CASQ2: variants seen among roughly 807,000 people sequenced by gnomAD.
The protein encoded by CASQ2 is calsequestrin 2.
A neutral mutation model predicts 46.5 loss-of-function variants in CASQ2; 49 were observed. That is an observed-to-expected ratio of 1.05 (90% CI 0.84 to 1.34). The LOEUF (loss-of-function observed/expected upper bound fraction) is 1.34, where lower values mean the gene tolerates loss of function less well. Among genes scored for constraint, CASQ2 ranks in the 40% most tolerant of loss-of-function variants. The pLI is 0.00. For missense variants in CASQ2, 486 were observed against 481.3 expected (o/e 1.01, Z -0.09); for synonymous variants, 174 against 168.5 (o/e 1.03, Z -0.25).
intron 4 of CASQ2, 49 bp downstream of exon 4, chr1:115,738,175 T>A (rs1410849455): frequency 8.8e-7 from 1 of 1,141,186 alleles, no homozygotes; most frequent in Admixed American, 1.7e-5. Flanking sequence ...CATACCTTGT[T>A]TGGAATCTAG....
intron 4 of CASQ2, among the ~76,000 whole-genome samples, chr1:115,733,746 C>T (rs1647867875): frequency 6.6e-6 from 1 of 152,132 alleles, no homozygotes; most frequent in South Asian, 2.1e-4. Flanking sequence ...TGAATAAATG[C>T]TATAAGCCTG....
At position 115,740,987 on chromosome 1, in the gene CASQ2, G is replaced by C. The variant is rs537070405; in HGVS notation, c.320-159C>G. ...GCAGTTGCCTTGAAATAACACTTTT[G>C]AAGAGCTCCTGAAGTGAACATTTAA... On this transcript the variant is annotated intron_variant, in intron 2 of 10. Coordinates refer to ENST00000261448, the MANE Select transcript of CASQ2 (RefSeq NM_001232.4). Among the ~76,000 whole-genome samples the C allele has an allele frequency of 3.9e-5, 6 of 152,324 alleles. No homozygotes were observed. In the East Asian group the frequency reaches 7.7e-4, roughly 20 times the overall value.
chr1:115,727,000 T>C lies in CASQ2; in HGVS notation c.729A>G (p.Glu243=). Reference sequence around the variant, plus strand: ...CATGCCATCTCAGGCACCTTTGGTGTTCCTTCACAAACTCCACCAGCTCCT... The same window carrying C: ...CATGCCATCTCAGGCACCTTTGGTGCTCCTTCACAAACTCCACCAGCTCCT... The part of the protein sequence containing the change: ...TEEELVEFVK[E]HQRPTLRRLR... The change falls in exon 6 of 11, where the codon GAA becomes GAG. Residue 243 remains glutamate (E), a synonymous_variant. Transcript: ENST00000261448. 1.2e-6 allele frequency: 2 copies of C among 1,604,272 alleles called. No individual in the cohort carries two copies. Among genetic ancestry groups the C allele is most frequent in the Admixed American group, 1.7e-5 (1 of 59,710 alleles).
intron 4 of CASQ2, among the ~76,000 whole-genome samples, chr1:115,737,207 A>G (rs1570830098): frequency 1.3e-5 from 2 of 152,278 alleles, no homozygotes; most frequent in Middle Eastern, 3.4e-3. Flanking sequence ...CTGGTTAGCC[A>G]CCTCCCTCTA....
intron 1 of CASQ2, among the ~76,000 whole-genome samples, chr1:115,767,445 G>T (rs1649171434): frequency 6.6e-6 from 1 of 152,140 alleles, no homozygotes; most frequent in Admixed American, 6.5e-5. Context: ...GATTGTGCTG[G>T]TTAATAAACT....
At chr1:115,719,562 C>T (rs1443507672) in intron 7 of CASQ2, among the ~76,000 whole-genome samples, 1 of 152,232 alleles carries the variant, frequency 6.6e-6, no homozygotes, top group Non-Finnish European at 1.5e-5. Context: ...GGAGGGAGCA[C>T]TGTCACCAAG....
intron 1 of CASQ2, among the ~76,000 whole-genome samples, chr1:115,763,426 G>C (rs1302009637): frequency 6.6e-6 from 1 of 152,090 alleles, no homozygotes; most frequent in Non-Finnish European, 1.5e-5. Flanking sequence ...CCCCAGAGAG[G>C]AGGAGTGAAT....
At chr1:115,738,145 C>A in intron 4 of CASQ2, 79 bp downstream of exon 4, 2 of 860,202 alleles carry the variant, frequency 2.3e-6, no homozygotes, top group East Asian at 2.4e-5. Flanking sequence ...GAAGACCCAT[C>A]CTCTTTTGGG....
intron 8 of CASQ2, among the ~76,000 whole-genome samples, chr1:115,716,932 A>G (rs1302402745): frequency 2.0e-5 from 3 of 152,148 alleles, no homozygotes; most frequent in African/African-American, 4.8e-5. Context: ...GTAATCCCCA[A>G]TGCTGGAGGT....
At chr1:115,725,669 A>G (rs1647559781) in intron 6 of CASQ2, 116 bp from the exon 7 acceptor site, 1 of 1,312,848 alleles carries the variant, frequency 7.6e-7, no homozygotes, top group Admixed American at 2.3e-5. Flanking sequence ...TTCCTTTGCA[A>G]GGCAGGGAGA....
intron 7 of CASQ2, 147 bp from the exon 8 acceptor site, chr1:115,718,041 T>C: frequency 1.4e-6 from 1 of 709,194 alleles, no homozygotes. Context: ...CACAGAGGAG[T>C]ACAGCGGGGC....
chr1:115,707,476 T>C (rs1654399143), intron 8 of CASQ2, among the ~76,000 whole-genome samples: 1 of 152,172 alleles, frequency 6.6e-6, no homozygotes, highest in Non-Finnish European at 1.5e-5. Flanking sequence ...ACTTCATTTA[T>C]CTGTCATTGC....
At chr1:115,723,545 CT>C (rs1032022424) in intron 7 of CASQ2, among the ~76,000 whole-genome samples, 15 of 148,870 alleles carry the variant, frequency 1.0e-4, no homozygotes, top group Non-Finnish European at 1.2e-4. Context: ...TAATAAGACT[CT>C]TTTTTTTTTG....
At chr1:115,730,216 T>C (rs570874082) in intron 5 of CASQ2, among the ~76,000 whole-genome samples, 1 of 152,314 alleles carries the variant, frequency 6.6e-6, no homozygotes, top group African/African-American at 2.4e-5. Context: ...CAGAGACCAA[T>C]GGTTTTAAAA....
At chr1:115,740,274 A>G (rs1259889611) in intron 3 of CASQ2, among the ~76,000 whole-genome samples, 1 of 152,180 alleles carries the variant, frequency 6.6e-6, no homozygotes, top group Non-Finnish European at 1.5e-5. Flanking sequence ...CATGGCTGAA[A>G]AAGTGTGATA....
At chr1:115,729,164 C>T (rs1215410799) in intron 5 of CASQ2, among the ~76,000 whole-genome samples, 2 of 150,920 alleles carry the variant, frequency 1.3e-5, no homozygotes, top group Non-Finnish European at 2.9e-5. Context: ...ATTCTCCTGC[C>T]TCAGCCTCCC....
At chr1:115,717,252 GAGAATGGACTAAT>G (rs1654730318) in intron 8 of CASQ2, among the ~76,000 whole-genome samples, 1 of 152,172 alleles carries the variant, frequency 6.6e-6, no homozygotes, top group Admixed American at 6.5e-5. Context: ...ATAGCAATGT[GAGAATGGACTAAT>G]ACAATAAGAT....
At chr1:115,758,360 T>C (rs1165754923) in intron 1 of CASQ2, among the ~76,000 whole-genome samples, 2 of 152,274 alleles carry the variant, frequency 1.3e-5, no homozygotes, top group African/African-American at 4.8e-5. Context: ...CTTCTCCTCC[T>C]TCCTCTTCTC....
chr1:115,723,305 T>TATCTATCTATCTATC (rs1647455098), intron 7 of CASQ2, among the ~76,000 whole-genome samples: 2 of 148,748 alleles, frequency 1.3e-5, no homozygotes, highest in African/African-American at 2.5e-5. Context: ...ATCTATCTAT[T>TATCTATCTATCTATC]TATCTATCTA....
Sources: allele counts gnomAD v4.1 joint callset (sites outside exome capture counted in the v4.1 genomes callset), GRCh38; gene constraint gnomAD v4.1.1; transcripts MANE v1.5; gene names NCBI Gene and HGNC (gene_info 2026-07-23, HGNC 2026-07-21).